STAG1: variants seen among roughly 807,000 people sequenced by gnomAD.
The protein encoded by STAG1 is cohesin subunit SA-1.
Under a neutral mutation model 170.9 loss-of-function variants are expected in STAG1, and 26 were observed. That is an observed-to-expected ratio of 0.15 (90% confidence interval 0.11 to 0.21). The LOEUF (loss-of-function observed/expected upper bound fraction) is 0.21, where lower values mean the gene tolerates loss of function less well. Among genes scored for constraint, STAG1 ranks in the 10% least tolerant of loss-of-function variants. STAG1 has a pLI of 1.00. For missense variants in STAG1, 964 were observed against 1,509.5 expected, an observed-to-expected ratio of 0.64 and a Z score of 5.99; for synonymous variants, 514 against 497.7, an observed-to-expected ratio of 1.03 and a Z score of -0.44.
chr3:136,521,884 G>A (rs982238490), intron 6 of STAG1, among the ~76,000 whole-genome samples: 14 of 152,124 alleles, frequency 9.2e-5, no homozygotes, highest in African/African-American at 3.4e-4. Flanking sequence ...ATTGGGAAGT[G>A]CAAAAATAAT....
intron 7 of STAG1, among the ~76,000 whole-genome samples, chr3:136,505,849 G>A (rs1165159993): frequency 6.6e-6 from 1 of 152,188 alleles, no homozygotes; most frequent in Non-Finnish European, 1.5e-5. Flanking sequence ...GTGAAGGAAT[G>A]GTCACATGAT....
intron 16 of STAG1, among the ~76,000 whole-genome samples, chr3:136,427,285 A>G (rs2088159688): frequency 1.3e-5 from 2 of 152,152 alleles, no homozygotes. Flanking sequence ...ACTTTAGCAC[A>G]CATTCTACTA....
intron 22 of STAG1, among the ~76,000 whole-genome samples, chr3:136,393,043 C>T (rs2108330744): frequency 6.6e-6 from 1 of 152,136 alleles, no homozygotes; most frequent in Admixed American, 6.5e-5. Context: ...GAAAGAAAAA[C>T]AAATAATGGT....
chr3:136,361,079 A>ACTTT (rs1936845821), intron 26 of STAG1, among the ~76,000 whole-genome samples: 1 of 152,242 alleles, frequency 6.6e-6, no homozygotes, highest in African/African-American at 2.4e-5. Context: ...TTCAAAGAAT[A>ACTTT]TCAAAGTAAA....
chr3:136,722,859 T>C (rs2107931209), intron 1 of STAG1, among the ~76,000 whole-genome samples: 1 of 151,896 alleles, frequency 6.6e-6, no homozygotes, highest in Admixed American at 6.5e-5. Flanking sequence ...GCCTGACTGG[T>C]TTTCGTATTT....
intron 13 of STAG1, 105 bp from the exon 14 acceptor site, chr3:136,452,252 G>A: frequency 1.4e-6 from 1 of 727,776 alleles, no homozygotes; most frequent in Non-Finnish European, 2.4e-6. Context: ...CAACAAAAAG[G>A]GGGAGCAGGG....
intron 5 of STAG1, among the ~76,000 whole-genome samples, chr3:136,562,084 T>C (rs1031647640): frequency 6.6e-6 from 1 of 152,168 alleles, no homozygotes; most frequent in African/African-American, 2.4e-5. Context: ...TATAGTACAA[T>C]GTTCCAAAGC....
chr3:136,633,250 T>A (rs998139726), intron 1 of STAG1, among the ~76,000 whole-genome samples: 1 of 139,436 alleles, frequency 7.2e-6, no homozygotes, highest in South Asian at 2.2e-4. Flanking sequence ...ATCATTGAAG[T>A]AAAAAAGGCA....
chr3:136,639,228 CAGAAGCTGAAGTGGGAGG>C (rs1438164848), intron 1 of STAG1, among the ~76,000 whole-genome samples: 1 of 150,500 alleles, frequency 6.6e-6, no homozygotes, highest in Non-Finnish European at 1.5e-5. Context: ...TACTCTATTC[CAGAAGCTGAAGTGGGAGG>C]GTCACTTGAG....
At chr3:136,493,472 T>A (rs1242766688) in intron 9 of STAG1, among the ~76,000 whole-genome samples, 1 of 151,722 alleles carries the variant, frequency 6.6e-6, no homozygotes, top group Non-Finnish European at 1.5e-5. Flanking sequence ...CTGGACAACA[T>A]GGCCAAACCC....
intron 32 of STAG1, among the ~76,000 whole-genome samples, chr3:136,340,154 A>C (rs1192520482): frequency 1.3e-5 from 2 of 151,502 alleles, no homozygotes; most frequent in East Asian, 3.9e-4. Flanking sequence ...TAAGAGGATA[A>C]TTTTTTTTTG....
At chr3:136,376,682 C>A (rs1406337749) in intron 23 of STAG1, among the ~76,000 whole-genome samples, 5 of 152,086 alleles carry the variant, frequency 3.3e-5, no homozygotes, top group Admixed American at 6.6e-5. Context: ...AAAGTGTTGG[C>A]ATGCATGTGT....
At chr3:136,729,877 CTTTTTTTTTTTTTT>C (rs36212432) in intron 1 of STAG1, among the ~76,000 whole-genome samples, 2 of 58,512 alleles carry the variant, frequency 3.4e-5, no homozygotes, top group African/African-American at 1.6e-4. Context: ...CCACGCCAGG[CTTTTTTTTTTTTTT>C]TTTTTTTTTT....
chr3:136,457,528 G>A (rs1035880487), intron 13 of STAG1, among the ~76,000 whole-genome samples: 3 of 152,006 alleles, frequency 2.0e-5, no homozygotes, highest in East Asian at 1.9e-4. Flanking sequence ...CGGGGCCTTC[G>A]CAGCCTCCAT....
chr3:136,389,988 C>T (rs995657640), intron 22 of STAG1, among the ~76,000 whole-genome samples: 14 of 151,832 alleles, frequency 9.2e-5, no homozygotes, highest in East Asian at 5.8e-4. Flanking sequence ...CCCGCCACCA[C>T]GCCCAACTAA....
intron 7 of STAG1, among the ~76,000 whole-genome samples, chr3:136,520,001 T>G (rs1028270261): frequency 3.3e-5 from 5 of 152,108 alleles, no homozygotes; most frequent in African/African-American, 1.2e-4. Context: ...TGGTTAGGAC[T>G]GTAACTAACA....
intron 15 of STAG1, among the ~76,000 whole-genome samples, chr3:136,439,210 A>C (rs2088554401): frequency 4.0e-5 from 1 of 25,242 alleles, no homozygotes; most frequent in Admixed American, 8.0e-4. Context: ...AAAAAAAAAA[A>C]AAACCCATAA....
chr3:136,702,301 C>T lies in STAG1; in HGVS notation c.-84+49894G>A, dbSNP rs570272050. Among the ~76,000 whole-genome samples the T allele has an allele frequency of 9.2e-5, 14 of 152,180 alleles. No homozygotes were observed. The South Asian group carries it at 2.9e-3, about 31-fold the overall frequency. On this transcript the variant is annotated intron_variant, in intron 1 of 33. Transcript: ENST00000383202. ...AAAATCACTACTTATAAAATTATTT[C>T]CAATAAATATTGGTCAATATTAAAT...
At chr3:136,493,133 G>A (rs2090153112) in intron 9 of STAG1, among the ~76,000 whole-genome samples, 1 of 152,150 alleles carries the variant, frequency 6.6e-6, no homozygotes, top group Non-Finnish European at 1.5e-5. Flanking sequence ...CTTGAGCCCA[G>A]GAATTTGAGA....
Sources: gnomAD v4.1 joint callset for allele counts (sites outside exome capture counted in the v4.1 genomes callset) on GRCh38, gnomAD v4.1.1 for gene constraint, MANE v1.5 for transcripts, NCBI Gene and HGNC (gene_info 2026-07-23, HGNC 2026-07-21) for gene names.